VWF: variants seen among roughly 807,000 people sequenced by gnomAD.
VWF encodes the protein von Willebrand factor, also known as Factor VIII related antigen.
VWF carries 176 observed loss-of-function variants against 308.6 expected under a neutral mutation model. The ratio of observed to expected loss-of-function variants is 0.57; its 90% CI spans 0.50 to 0.65. The LOEUF (loss-of-function observed/expected upper bound fraction) is 0.65, where lower values mean the gene tolerates loss of function less well. Among genes scored for constraint, VWF ranks in the 30% least tolerant of loss-of-function variants. VWF has a pLI of 0.00. For missense variants in VWF, 3,146 were observed against 3,648.2 expected (o/e 0.86, Z 3.55); for synonymous variants, 1,385 against 1,443.4 (o/e 0.96, Z 0.92).
chr12:6,104,709 A>AAT lies in VWF; in HGVS notation c.532+5663_532+5664dup, dbSNP rs1555075514. Among the ~76,000 whole-genome samples the AAT allele has an allele frequency of 4.8e-3, 730 of 152,164 alleles. 5 individuals carry two copies. The highest frequency in any genetic ancestry group is 0.016 in the African/African-American group (672 of 41,474). Reference sequence around the variant, plus strand: ...GAGACTCTGTCTCGGAAAAAAAAAAAATATATAGGACTACCATTCAATCCA... The same window carrying AAT: ...GAGACTCTGTCTCGGAAAAAAAAAAAATATATATAGGACTACCATTCAATCCA... On this transcript the variant is annotated intron_variant, in intron 5 of 51. Transcript: ENST00000261405.
intron 14 of VWF, among the ~76,000 whole-genome samples, chr12:6,057,311 A>ATTTTTTTTTTTC (rs1407594065): frequency 0.021 from 2,774 of 129,316 alleles, 161 homozygotes; most frequent in African/African-American, 0.071. Flanking sequence ...GGACTATGGA[A>ATTTTTTTTTTTC]TTTTTTTTTT....
chr12:6,017,801 G>A (rs1251494080), intron 28 of VWF, among the ~76,000 whole-genome samples: 2 of 152,256 alleles, frequency 1.3e-5, no homozygotes, highest in East Asian at 3.9e-4. Context: ...TTAAGTATTT[G>A]CCCAAAATTA....
chr12:6,088,681 T>A (rs1344710368), intron 6 of VWF, among the ~76,000 whole-genome samples: 4 of 152,150 alleles, frequency 2.6e-5, no homozygotes, highest in Non-Finnish European at 2.9e-5. Flanking sequence ...CGAATTTTTT[T>A]AAAGTGATCT....
intron 6 of VWF, 140 bp downstream of exon 6, chr12:6,095,320 G>T: frequency 7.4e-7 from 1 of 1,345,862 alleles, no homozygotes. Context: ...TTAGACTCTA[G>T]CCACAGTTAG....
intron 15 of VWF, 82 bp downstream of exon 15, chr12:6,056,775 A>G (rs902596064): frequency 1.7e-5 from 20 of 1,199,610 alleles, no homozygotes; most frequent in Non-Finnish European, 1.9e-5. Context: ...ACAGGAAACA[A>G]CGCAGAGAAA....
intron 10 of VWF, among the ~76,000 whole-genome samples, chr12:6,070,482 G>A (rs1046853070): frequency 2.0e-5 from 3 of 152,340 alleles, no homozygotes; most frequent in African/African-American, 4.8e-5. Flanking sequence ...TTCAAGCCCT[G>A]GCTCTGCCTC....
intron 5 of VWF, among the ~76,000 whole-genome samples, chr12:6,100,324 G>A (rs1483479263): frequency 6.7e-6 from 1 of 148,206 alleles, no homozygotes; most frequent in Non-Finnish European, 1.5e-5. Flanking sequence ...CATTGTGGAA[G>A]TCAGTGTGGT....
chr12:5,954,484 G>A (rs1281020129), intron 47 of VWF, among the ~76,000 whole-genome samples: 1 of 152,132 alleles, frequency 6.6e-6, no homozygotes, highest in African/African-American at 2.4e-5. Context: ...TGTTTAAATG[G>A]CTTTTCCCAT....
chr12:5,968,009 G>T, intron 46 of VWF, 118 bp downstream of exon 46: 1 of 1,409,082 alleles, frequency 7.1e-7, no homozygotes. Flanking sequence ...GGAAAGCTGG[G>T]GTTGGGTCTC....
intron 5 of VWF, among the ~76,000 whole-genome samples, chr12:6,102,895 C>G (rs191199794): frequency 6.6e-6 from 1 of 152,140 alleles, no homozygotes; most frequent in Non-Finnish European, 1.5e-5. Flanking sequence ...TCTTAAAATT[C>G]ATATGGAACT....
chr12:5,966,578 G>A (rs746398900), intron 47 of VWF, among the ~76,000 whole-genome samples: 2 of 152,118 alleles, frequency 1.3e-5, no homozygotes, highest in Admixed American at 6.6e-5. Flanking sequence ...GCACCTGCAC[G>A]ACCTCTTGGC....
At chr12:6,074,266 C>A (rs1944814825) in intron 7 of VWF, among the ~76,000 whole-genome samples, 1 of 152,130 alleles carries the variant, frequency 6.6e-6, no homozygotes, top group East Asian at 1.9e-4. Flanking sequence ...TCACAGATAT[C>A]ACCTAAGCAC....
In VWF at chr12:6,019,392, G is replaced by C. The variant is rs748544746; in HGVS notation, c.4026C>G (p.Arg1342=). The C allele has an allele frequency of 1.9e-6, 3 of 1,613,860 alleles. No homozygotes were observed. The East Asian group carries it at 6.7e-5, about 36-fold the overall frequency. The part of the protein sequence containing the change: ...KDRKRPSELR[R]IASQVKYAGS... ...CCGCATACTTCACCTGGCTGGCAAT[G>C]CGCCGCAGCTCTGACGGTCGCTTCC... The change falls in exon 28 of 52, where the codon CGC becomes CGG. Residue 1342 remains arginine (R), a synonymous_variant. Transcript: ENST00000261405. This position sits in a 1 kb window ranked among gnomAD's most constrained non-coding sequence, Gnocchi z 5.8.
At chr12:6,044,222 G>A (rs1944421935) in intron 18 of VWF, 69 bp downstream of exon 18, 2 of 1,590,550 alleles carry the variant, frequency 1.3e-6, no homozygotes, top group South Asian at 1.1e-5. Flanking sequence ...TGGCTGCACA[G>A]CCCCCTCACT....
In VWF at chr12:6,113,775, TCCA is replaced by T. The variant is rs1945336019; in HGVS notation, c.221-2810_221-2808del. Among the ~76,000 whole-genome samples the T allele has an allele frequency of 5.3e-5, 8 of 152,202 alleles. No homozygotes were observed. The South Asian group carries it at 1.7e-3, about 31-fold the overall frequency. ...AACCTCCAGTTTGCACCCTCTCCCT[TCCA>T]GGGCCCTAGGCATTTGCACTGGGCC... On this transcript the variant is annotated intron_variant, in intron 3 of 51. Transcript: ENST00000261405.
intron 47 of VWF, among the ~76,000 whole-genome samples, chr12:5,957,541 C>G (rs1943264999): frequency 6.6e-6 from 1 of 151,920 alleles, no homozygotes. Flanking sequence ...GAAATGCATA[C>G]AGGAAAACAA....
At position 6,016,990 on chromosome 12, in the gene VWF, G is replaced by C. The variant is rs552852130; in HGVS notation, c.5054-120C>G. 15 of 1,091,946 alleles carry C rather than the reference G, an allele frequency of 1.4e-5. No homozygotes were observed. The African/African-American group carries it at 2.3e-4, about 17-fold the overall frequency. 67.6% of individuals were successfully genotyped at this position (1,091,946 alleles called of 1,614,324 possible). The stretch of plus-strand genomic sequence containing the variant: ...TGCTGACCACGTGGCACCACCAAGG[G>C]GGGCGGGGGGTGCCTTCGTGAGTAC... On this transcript the variant is annotated intron_variant, in intron 28 of 51. Transcript: ENST00000261405.
At chr12:6,061,390 C>T (rs149283369) in intron 13 of VWF, among the ~76,000 whole-genome samples, 1 of 144,326 alleles carries the variant, frequency 6.9e-6, no homozygotes, top group African/African-American at 2.8e-5. Flanking sequence ...TTATTTCCTA[C>T]TGGAAAAGGG....
intron 26 of VWF, among the ~76,000 whole-genome samples, chr12:6,022,454 T>TA (rs1368537888): frequency 5.9e-5 from 9 of 151,852 alleles, no homozygotes; most frequent in African/African-American, 2.2e-4. Context: ...TCGTCACAGT[T>TA]ACATTCAATA....
Sources: allele counts gnomAD v4.1 joint callset (sites outside exome capture counted in the v4.1 genomes callset), GRCh38; gene constraint gnomAD v4.1.1; non-coding constraint Gnocchi (gnomAD v3.1); transcripts MANE v1.5; gene names NCBI Gene and HGNC (gene_info 2026-07-23, HGNC 2026-07-21).